Variants in MPPED1 observed in about 807,000 individuals in gnomAD.
MPPED1 encodes the protein metallophosphoesterase domain-containing protein 1.
In MPPED1, 16 loss-of-function variants were observed where a neutral mutation model predicts 36.2. The ratio of observed to expected loss-of-function variants is 0.44; its 90% CI spans 0.30 to 0.67. The LOEUF is 0.67. MPPED1 is among the 30% of genes least tolerant of loss of function. MPPED1 has a pLI of 0.10. For synonymous variants in MPPED1, 199 were observed against 191.3 expected (o/e 1.04, Z -0.33); for missense variants, 307 against 453.4 (o/e 0.68, Z 2.93).
At chr22:43,500,403 GTGGTGGTGATGGAGGTGGTAA>G (rs1209200786) in intron 5 of MPPED1, among the ~76,000 whole-genome samples, 5 of 131,218 alleles carry the variant, frequency 3.8e-5, no homozygotes, top group Non-Finnish European at 6.6e-5. Flanking sequence ...GGAGGTGGTA[GTGGTGGTGATGGAGGTGGTAA>G]TGGAGGTGGT....
At chr22:43,495,289 G>A (rs1440189572) in intron 4 of MPPED1, among the ~76,000 whole-genome samples, 3 of 147,962 alleles carry the variant, frequency 2.0e-5, no homozygotes, top group Non-Finnish European at 4.5e-5. Flanking sequence ...TGATGGAGGT[G>A]GTGATGGAGG....
At position 43,484,002 on chromosome 22, in the gene MPPED1, A is replaced by G. The variant is rs151255386; in HGVS notation, c.632+9041A>G. Among the ~76,000 whole-genome samples the G allele has an allele frequency of 9.1e-3, 1,383 of 152,054 alleles. 25 individuals are homozygous for G. The highest frequency in any genetic ancestry group is 0.032 in the African/African-American group (1,322 of 41,486). ...GTACCAAGGATGGAGGGCGAGTCCA[A>G]CTCCCCTCTTAAGTGGCCGAGGCCT... On this transcript the variant is annotated intron_variant, in intron 4 of 6. Transcript: ENST00000443721.
intron 2 of MPPED1, among the ~76,000 whole-genome samples, chr22:43,426,085 C>A (rs896866323): frequency 6.6e-5 from 10 of 152,170 alleles, no homozygotes; most frequent in African/African-American, 2.4e-4. Flanking sequence ...CTCCCATGAG[C>A]CCTGCACGAC....
At chr22:43,463,806 C>CTTTTCTTTCTTTCTTTTTTT (rs1274178981) in intron 3 of MPPED1, among the ~76,000 whole-genome samples, 1,317 of 121,638 alleles carry the variant, frequency 0.011, 67 homozygotes, top group Middle Eastern at 0.044. Flanking sequence ...TTCATTTTTT[C>CTTTTCTTTCTTTCTTTTTTT]TTTTCTTTCT....
Position 43,490,671 on chromosome 22 carries a change from T to G in MPPED1, c.633-7564T>G, listed in dbSNP as rs146070335. On this transcript the variant is annotated intron_variant, in intron 4 of 6. Coordinates refer to ENST00000443721, the MANE Select transcript of MPPED1 (RefSeq NM_001044370.2). Reference sequence around the variant, plus strand: ...AGGCTTCCTCCTGTCTTGTAAATATTTGATCAGATTTTTGAAAAATGGAAG... The same window carrying G: ...AGGCTTCCTCCTGTCTTGTAAATATGTGATCAGATTTTTGAAAAATGGAAG... Among the ~76,000 whole-genome samples, 918 of 152,316 alleles carry G rather than the reference T, an allele frequency of 6.0e-3. 4 individuals carry two copies. Among genetic ancestry groups the G allele is most frequent in the African/African-American group, 0.021 (870 of 41,564 alleles).
At chr22:43,427,053 C>T (rs1206049737) in intron 2 of MPPED1, among the ~76,000 whole-genome samples, 1 of 152,164 alleles carries the variant, frequency 6.6e-6, no homozygotes, top group Non-Finnish European at 1.5e-5. Context: ...GCCTGAGGTC[C>T]CCGGAGGCCA....
At chr22:43,430,467 A>G (rs938794043) in intron 2 of MPPED1, among the ~76,000 whole-genome samples, 1 of 152,112 alleles carries the variant, frequency 6.6e-6, no homozygotes, top group African/African-American at 2.4e-5. Context: ...CACAGCAAGG[A>G]GGAGGTCACT....
chr22:43,468,565 A>G (rs1931252731), intron 3 of MPPED1, among the ~76,000 whole-genome samples: 1 of 152,054 alleles, frequency 6.6e-6, no homozygotes, highest in Non-Finnish European at 1.5e-5. Context: ...AGCTCTCTCC[A>G]CTGTCTCGCT....
At position 43,425,008 on chromosome 22, in the gene MPPED1, C is replaced by T. The variant is rs1258459717; in HGVS notation, c.23C>T (p.Ala8Val). 5 of 1,603,774 alleles carry T rather than the reference C, an allele frequency of 3.1e-6. No homozygotes were observed. The highest frequency in any genetic ancestry group is 1.1e-5 in the South Asian group (1 of 89,690). The change falls in exon 2 of 7, where the codon GCC becomes GTC. Residue 8 changes from alanine to valine, a missense_variant. By Grantham distance (64) the Ala-to-Val change is moderately conservative. This residue lies in a region of MPPED1 where 169 missense variants were observed against 212.3 expected (regional missense o/e 0.80). Coordinates refer to ENST00000443721, the MANE Select transcript of MPPED1 (RefSeq NM_001044370.2). MWRSRWD[A>V]SVLKAEALAL... ...TCCATGTGGCGCTCTAGGTGGGATG[C>T]CAGCGTCCTGAAGGCGGAGGCCCTG...
Position 43,424,976 on chromosome 22 carries a change from G to T in MPPED1, c.-10G>T. ...GCGGTGGGAGATGCCGGGGCGGCCG[G>T]CGGAGGTCCATGTGGCGCTCTAGGT... is the stretch of plus-strand genomic sequence containing the variant. On this transcript the variant is annotated 5_prime_UTR_variant, in exon 2 of 7. Transcript: ENST00000443721. 6.3e-7 allele frequency: 1 copy of T among 1,575,396 alleles called. No individual in the cohort carries two copies. Among genetic ancestry groups the T allele is most frequent in the East Asian group, 2.4e-5 (1 of 42,350 alleles).
chr22:43,495,470 A>ATGGAGGTGGTGGTGATGG (rs1932247837), intron 4 of MPPED1, among the ~76,000 whole-genome samples: 1 of 49,932 alleles, frequency 2.0e-5, no homozygotes, highest in Non-Finnish European at 3.7e-5. Context: ...AGTGCTGGTG[A>ATGGAGGTGGTGGTGATGG]TGGTGGAGGT....
Position 43,474,003 on chromosome 22 carries a change from C to T in MPPED1, c.407-733C>T, listed in dbSNP as rs967599439. ...ATAGACATTTTTGTTTTGATTCCAT[C>T]TAGATTTTGTTTTGGCTTTGAATTT... is the stretch of plus-strand genomic sequence containing the variant. On this transcript the variant is annotated intron_variant, in intron 3 of 6. Transcript: ENST00000443721. The surrounding 1 kb of genome is among the most constrained non-coding windows in gnomAD (Gnocchi z 5.2). 1.3e-5 allele frequency among the ~76,000 whole-genome samples: 2 copies of T among 152,194 alleles called. No individual in the cohort carries two copies. Among genetic ancestry groups the T allele is most frequent in the African/African-American group, 4.8e-5 (2 of 41,454 alleles).
At chr22:43,475,736 T>TGTGGTG (rs200868199) in intron 4 of MPPED1, among the ~76,000 whole-genome samples, 2 of 108,122 alleles carry the variant, frequency 1.8e-5, no homozygotes, top group Non-Finnish European at 3.9e-5. Flanking sequence ...TGATGATGGT[T>TGTGGTG]GTGGTGGTGG....
intron 1 of MPPED1, among the ~76,000 whole-genome samples, chr22:43,423,484 C>T (rs957806349): frequency 1.3e-5 from 2 of 152,120 alleles, no homozygotes; most frequent in African/African-American, 4.8e-5. Flanking sequence ...ATTTTTTTCC[C>T]CCTTGTCTCT....
chr22:43,451,958 C>A (rs1165705538), intron 3 of MPPED1, among the ~76,000 whole-genome samples: 1 of 152,150 alleles, frequency 6.6e-6, no homozygotes, highest in Non-Finnish European at 1.5e-5. Flanking sequence ...GAGCTGCTGT[C>A]CACTATGGAT....
chr22:43,495,696 AGGTGGT>A (rs1569088993), intron 4 of MPPED1, among the ~76,000 whole-genome samples: 3 of 15,936 alleles, frequency 1.9e-4, no homozygotes. Flanking sequence ...GTGGTGGTGG[AGGTGGT>A]GATGGAGGTG....
intron 3 of MPPED1, among the ~76,000 whole-genome samples, chr22:43,437,511 G>GC (rs552517869): frequency 5.3e-4 from 80 of 152,150 alleles, no homozygotes; most frequent in Middle Eastern, 3.2e-3. Context: ...TCTTGGTATA[G>GC]CTCTGTGTTG....
chr22:43,426,820 T>C (rs1407241455), intron 2 of MPPED1, among the ~76,000 whole-genome samples: 2 of 152,212 alleles, frequency 1.3e-5, no homozygotes, highest in Admixed American at 6.5e-5. Flanking sequence ...ACTTTATTTT[T>C]TGGTAGATTT....
At chr22:43,472,552 G>C (rs1241757148) in intron 3 of MPPED1, among the ~76,000 whole-genome samples, 1 of 152,238 alleles carries the variant, frequency 6.6e-6, no homozygotes, top group East Asian at 1.9e-4. Context: ...TGGCCCCCAT[G>C]TACCAGTGGT....
Sources: gnomAD v4.1 joint callset for allele counts (sites outside exome capture counted in the v4.1 genomes callset) on GRCh38, gnomAD v4.1.1 for gene constraint, gnomAD v4.1.1 regional missense constraint, Gnocchi (gnomAD v3.1) non-coding constraint, MANE v1.5 for transcripts, NCBI Gene and HGNC (gene_info 2026-07-23, HGNC 2026-07-21) for gene names.